Variants in PARP1 observed in about 807,000 individuals in gnomAD.
PARP1 encodes the protein poly(ADP-ribose) polymerase 1, also known as poly [ADP-ribose] polymerase 1.
In PARP1, 44 loss-of-function variants were observed where a neutral mutation model predicts 118.7. That is an observed-to-expected ratio of 0.37 (90% CI 0.29 to 0.48). PARP1 has a LOEUF of 0.48. Among genes scored for constraint, PARP1 ranks in the 20% least tolerant of loss-of-function variants. The pLI, the probability that PARP1 is intolerant of heterozygous loss-of-function variation, is 0.99. For synonymous variants in PARP1, 492 were observed against 483.2 expected (o/e 1.02, Z -0.24); for missense variants, 1,100 against 1,272.4 (o/e 0.86, Z 2.06).
At position 226,379,932 on chromosome 1, in the gene PARP1, G is replaced by C. The variant is rs1664571118; in HGVS notation, c.1533C>G (p.Val511=). Residue 511 remains valine (V), a synonymous_variant, in exon 10 of 23, where the codon GTC becomes GTG. Coordinates refer to ENST00000366794, the MANE Select transcript of PARP1 (RefSeq NM_001618.4). ...AALSKKSKGQ[V]KEEGINKSEK... is the part of the protein sequence containing the mutation. Reference sequence around the variant, plus strand: ...GCTTGGGGCCCTCACCTTCCTCCTTGACCTGGCCCTTGCTTTTTTTGGAGA... The same window carrying C: ...GCTTGGGGCCCTCACCTTCCTCCTTCACCTGGCCCTTGCTTTTTTTGGAGA... The C allele has an allele frequency of 6.2e-7, 1 of 1,613,812 alleles. No individual in the cohort carries two copies. Among genetic ancestry groups the C allele is most frequent in the Non-Finnish European group, 8.5e-7 (1 of 1,180,010 alleles).
intron 21 of PARP1, among the ~76,000 whole-genome samples, chr1:226,362,850 CTA>C (rs1450866748): frequency 2.0e-4 from 12 of 59,540 alleles, no homozygotes; most frequent in Admixed American, 7.5e-4. Flanking sequence ...TAGAGCTTGC[CTA>C]TTTTTTTTTT....
chr1:226,383,592 C>G (rs990281945), intron 7 of PARP1, among the ~76,000 whole-genome samples: 1 of 152,168 alleles, frequency 6.6e-6, no homozygotes, highest in Non-Finnish European at 1.5e-5. Context: ...TCCAGAACTC[C>G]AAGACCCCGA....
intron 11 of PARP1, 63 bp from the exon 12 acceptor site, chr1:226,379,337 G>A: frequency 6.2e-7 from 1 of 1,602,454 alleles, no homozygotes; most frequent in Non-Finnish European, 8.6e-7. Context: ...CTCTCACGGA[G>A]AAGGGATCTG....
intron 7 of PARP1, among the ~76,000 whole-genome samples, 184 bp downstream of exon 7, chr1:226,385,320 C>T (rs1402321194): frequency 1.3e-5 from 2 of 152,202 alleles, no homozygotes; most frequent in East Asian, 1.9e-4. Context: ...AGAGGAGCTT[C>T]GGTTCTACAT....
intron 13 of PARP1, among the ~76,000 whole-genome samples, chr1:226,376,779 A>G (rs1417069766): frequency 6.6e-6 from 1 of 152,190 alleles, no homozygotes; most frequent in Admixed American, 6.5e-5. Context: ...GGAGTGGTGT[A>G]TAGATCCGTC....
chr1:226,368,422 A>G, intron 15 of PARP1, 101 bp from the exon 16 acceptor site: 2 of 1,484,098 alleles, frequency 1.3e-6, no homozygotes, highest in Non-Finnish European at 1.9e-6. Flanking sequence ...GCAGGTCCAG[A>G]AGTAGCGTGG....
intron 15 of PARP1, among the ~76,000 whole-genome samples, chr1:226,369,266 A>C (rs1664330330): frequency 6.6e-6 from 1 of 152,218 alleles, no homozygotes; most frequent in Non-Finnish European, 1.5e-5. Context: ...CCAGCCAGAA[A>C]GCCCGCTGCC....
intron 14 of PARP1, among the ~76,000 whole-genome samples, chr1:226,372,332 C>T (rs1271650058): frequency 6.6e-6 from 1 of 152,200 alleles, no homozygotes; most frequent in African/African-American, 2.4e-5. Context: ...GCCCCTGTCC[C>T]TTTTCTTCCT....
At chr1:226,372,321 C>T (rs1460825694) in intron 14 of PARP1, among the ~76,000 whole-genome samples, 4 of 152,200 alleles carry the variant, frequency 2.6e-5, no homozygotes, top group South Asian at 2.1e-4. Flanking sequence ...CAGCAAGCAG[C>T]GCCCCTGTCC....
intron 1 of PARP1, among the ~76,000 whole-genome samples, chr1:226,402,694 C>A (rs1665061641): frequency 6.6e-6 from 1 of 152,206 alleles, no homozygotes; most frequent in Non-Finnish European, 1.5e-5. Context: ...CCCTTTTGAC[C>A]ACACACTGCT....
rs745338489 is a variant in PARP1, at chr1:226,363,178, G to T, written c.2787-18C>A. ...GTTCATACCTATTCAAAAGAGGACA[G>T]TCTCAGAAGAGGCCTTCACACTGGG... On this transcript the variant is annotated intron_variant, in intron 20 of 22. Coordinates refer to ENST00000366794, the MANE Select transcript of PARP1 (RefSeq NM_001618.4). 6 of 1,598,990 alleles carry T rather than the reference G, an allele frequency of 3.8e-6. No individual in the cohort carries two copies. In the African/African-American group the frequency reaches 5.4e-5, roughly 14 times the overall value.
Position 226,390,582 on chromosome 1 carries a change from G to A in PARP1, c.445C>T (p.Pro149Ser). The stretch of plus-strand genomic sequence containing the variant: ...CAGCGGTCAATCATGCCTAGCTGTG[G>A]CTTCTCCGGGTCCACCATCTTCTTG... ...LSKKMVDPEK[P>S]QLGMIDRWYH... The change falls in exon 4 of 23, where the codon CCA (proline) becomes TCA (serine). Residue 149 changes from proline (P) to serine (S), a missense_variant. Pro to Ser is a moderately conservative substitution (Grantham distance 74). Coordinates refer to ENST00000366794, the MANE Select transcript of PARP1 (RefSeq NM_001618.4). 6.2e-7 allele frequency: 1 copy of A among 1,614,202 alleles called. No homozygotes were observed. Among genetic ancestry groups the A allele is most frequent in the Non-Finnish European group, 8.5e-7 (1 of 1,180,042 alleles).
At position 226,385,523 on chromosome 1, in the gene PARP1, T is replaced by C. The variant is rs573843203; in HGVS notation, c.992A>G (p.Lys331Arg). ...CCTTACCTTTGGGGTTACCCACTCCTTCCGGTTGGGTGTCTGTGTCTTGAC... is the reference window on the plus strand; with the variant it reads ...CCTTACCTTTGGGGTTACCCACTCCCTCCGGTTGGGTGTCTGTGTCTTGAC... ...CMVKTQTPNR[K>R]EWVTPKEFRE... Residue 331 changes from lysine to arginine, a missense_variant, in exon 7 of 23, where the codon AAG becomes AGG. Physicochemically the swap from Lys to Arg is conservative, Grantham distance 26 (BLOSUM62 2). Transcript: ENST00000366794. The C allele has an allele frequency of 1.9e-6, 3 of 1,614,054 alleles. No homozygotes were observed. The highest frequency in any genetic ancestry group is 2.2e-5 in the East Asian group (1 of 44,880).
chr1:226,391,370 C>T (rs1022020869), intron 3 of PARP1, among the ~76,000 whole-genome samples: 2 of 152,160 alleles, frequency 1.3e-5, no homozygotes, highest in African/African-American at 4.8e-5. Context: ...GTCCTGCCAG[C>T]CTGCCCAGGT....
At chr1:226,389,966 T>C (rs147924839) in intron 4 of PARP1, among the ~76,000 whole-genome samples, 29 of 152,328 alleles carry the variant, frequency 1.9e-4, no homozygotes, top group African/African-American at 5.8e-4. Flanking sequence ...TTCTCAACTC[T>C]AAGCCAGGAA....
intron 19 of PARP1, among the ~76,000 whole-genome samples, chr1:226,364,753 C>T (rs949955769): frequency 1.3e-5 from 2 of 152,264 alleles, no homozygotes; most frequent in Admixed American, 6.5e-5. Context: ...CGTGTCTGTT[C>T]TTTGCTTGTC....
rs1664120950 is a variant in PARP1 at position 226,360,885 on chromosome 1, A to G, written c.*575T>C. ...GAGAAGGAAAGCTCTTTTTGTTTCT[A>G]AGTATGAGAAATTGTTAGCGTTCCT... On this transcript the variant is annotated 3_prime_UTR_variant, in exon 23 of 23. Transcript: ENST00000366794. The G allele has an allele frequency of 4.4e-6, 1 of 226,580 alleles. No individual in the cohort carries two copies. Among genetic ancestry groups the G allele is most frequent in the Non-Finnish European group, 8.8e-6 (1 of 114,052 alleles). The allele number at this position is 226,580 out of a possible 1,614,324, so 14.0% of individuals were successfully genotyped here.
At chr1:226,387,266 C>G (rs1018336763) in intron 5 of PARP1, among the ~76,000 whole-genome samples, 2 of 152,132 alleles carry the variant, frequency 1.3e-5, no homozygotes, top group African/African-American at 4.8e-5. Flanking sequence ...TACAGGTGCT[C>G]AAGCCACTGC....
At chr1:226,365,178 G>C (rs926835105) in intron 18 of PARP1, 24 bp from the exon 19 acceptor site, 1 of 1,613,754 alleles carries the variant, frequency 6.2e-7, no homozygotes, top group Non-Finnish European at 8.5e-7. Context: ...TAAACAAAGG[G>C]AAGGACAAAA....
Sources: allele counts gnomAD v4.1 joint callset (sites outside exome capture counted in the v4.1 genomes callset), GRCh38; gene constraint gnomAD v4.1.1; transcripts MANE v1.5; gene names NCBI Gene and HGNC (gene_info 2026-07-23, HGNC 2026-07-21).